SHROOM3: variants seen among roughly 807,000 people sequenced by gnomAD.
SHROOM3 encodes the protein protein Shroom3.
SHROOM3 carries 47 observed loss-of-function variants against 138.6 expected under a neutral mutation model. The observed-to-expected ratio is 0.34, with a 90% CI of 0.27 to 0.43. SHROOM3 has a LOEUF of 0.43. Ranked by LOEUF, SHROOM3 falls within the 20% of genes least tolerant of loss-of-function variation. The probability of loss-of-function intolerance (pLI) is 1.00; values close to 1 mark genes in which losing one functional copy is unlikely to be tolerated. For synonymous variants in SHROOM3, 1,062 were observed against 1,063.3 expected (o/e 1.00, Z 0.02); for missense variants, 2,491 against 2,596.5 (o/e 0.96, Z 0.88).
intron 3 of SHROOM3, among the ~76,000 whole-genome samples, chr4:76,726,031 A>G (rs1342915157): frequency 6.6e-6 from 1 of 152,126 alleles, no homozygotes; most frequent in South Asian, 2.1e-4. Context: ...ATCTGCCCAT[A>G]CTGCCTGTCT....
chr4:76,446,889 A>T (rs980431310), intron 1 of SHROOM3, among the ~76,000 whole-genome samples: 1 of 152,190 alleles, frequency 6.6e-6, no homozygotes, highest in Non-Finnish European at 1.5e-5. Context: ...TGCTGTGCTC[A>T]TCCAGCTTCA....
At chr4:76,581,431 A>G (rs1160402711) in intron 2 of SHROOM3, among the ~76,000 whole-genome samples, 1 of 152,224 alleles carries the variant, frequency 6.6e-6, no homozygotes, top group Non-Finnish European at 1.5e-5. Flanking sequence ...TTGCTGTATC[A>G]TAAGTGGTTT....
At chr4:76,710,351 G>A in intron 3 of SHROOM3, 64 bp downstream of exon 3, 1 of 1,600,028 alleles carries the variant, frequency 6.2e-7, no homozygotes, top group Non-Finnish European at 8.5e-7. Context: ...AAGCCACTCA[G>A]CTGCTGGGAG....
chr4:76,696,039 T>C (rs1719715040), intron 2 of SHROOM3, among the ~76,000 whole-genome samples: 1 of 152,186 alleles, frequency 6.6e-6, no homozygotes, highest in Non-Finnish European at 1.5e-5. Flanking sequence ...CCGTATTATT[T>C]TGGGGCAAAA....
At chr4:76,714,820 C>T (rs1720326272) in intron 3 of SHROOM3, among the ~76,000 whole-genome samples, 2 of 152,148 alleles carry the variant, frequency 1.3e-5, no homozygotes, top group South Asian at 4.1e-4. Flanking sequence ...TCATTCATGT[C>T]AGTAAGGACT....
intron 1 of SHROOM3, among the ~76,000 whole-genome samples, chr4:76,538,291 A>G (rs1733025149): frequency 6.6e-6 from 1 of 152,238 alleles, no homozygotes; most frequent in South Asian, 2.1e-4. Flanking sequence ...AGGTGGTCAG[A>G]GACTGAGATG....
At chr4:76,751,522 C>T (rs2110141550) in intron 6 of SHROOM3, among the ~76,000 whole-genome samples, 1 of 152,266 alleles carries the variant, frequency 6.6e-6, no homozygotes, top group South Asian at 2.1e-4. Context: ...TACTTCTTTC[C>T]TGTTTTCAAA....
chr4:76,585,786 C>T (rs1480266929), intron 2 of SHROOM3, among the ~76,000 whole-genome samples: 1 of 152,110 alleles, frequency 6.6e-6, no homozygotes, highest in East Asian at 1.9e-4. Flanking sequence ...AAAGATCTTT[C>T]TTTATTGTTC....
At chr4:76,492,165 T>C (rs1390202121) in intron 1 of SHROOM3, among the ~76,000 whole-genome samples, 1 of 152,194 alleles carries the variant, frequency 6.6e-6, no homozygotes, top group Non-Finnish European at 1.5e-5. Context: ...AGATACAAAC[T>C]GGGCGAAAGA....
rs991755928 is a variant in SHROOM3 at position 76,740,671 on chromosome 4, G to A, written c.2498G>A (p.Arg833His). The A allele has an allele frequency of 5.6e-6, 9 of 1,613,958 alleles. No homozygotes were observed. The highest frequency in any genetic ancestry group is 2.7e-5 in the African/African-American group (2 of 74,940). ...NDFEETKAHI[R>H]FSESAEPLGN... ...TTCGAGGAGACAAAAGCACACATTC[G>A]TTTCTCTGAGTCAGCTGAACCCCTA... is the stretch of plus-strand genomic sequence containing the variant. The change falls in exon 5 of 11, where the codon CGT becomes CAT. Residue 833 changes from arginine to histidine, a missense_variant. By Grantham distance (29) the Arg-to-His change is conservative. This residue lies in a region of SHROOM3 where 1,733 missense variants were observed against 1,661.6 expected (regional missense o/e 1.04). Transcript: ENST00000296043. This position sits in a 1 kb window ranked among gnomAD's most constrained non-coding sequence, Gnocchi z 4.0.
rs569330789 is a variant in SHROOM3, at chr4:76,682,593, G to A, written c.324-27563G>A. Among the ~76,000 whole-genome samples, 9 of 152,010 alleles carry A rather than the reference G, an allele frequency of 5.9e-5. No individual in the cohort carries two copies. In the South Asian group the frequency reaches 1.7e-3, roughly 28 times the overall value. The stretch of plus-strand genomic sequence containing the variant: ...GGCATATAACAGGTTCTCAGTAGGT[G>A]GCAGTTGAATTGAAATGGGTCAAGG... On this transcript the variant is annotated intron_variant, in intron 2 of 10. Transcript: ENST00000296043.
At chr4:76,520,902 C>A (rs570734547) in intron 1 of SHROOM3, among the ~76,000 whole-genome samples, 15 of 152,282 alleles carry the variant, frequency 9.9e-5, no homozygotes, top group Non-Finnish European at 1.9e-4. Flanking sequence ...GCTTTTTCCC[C>A]AATATTTGGG....
At chr4:76,587,994 A>AT (rs1734187293) in intron 2 of SHROOM3, among the ~76,000 whole-genome samples, 2 of 152,300 alleles carry the variant, frequency 1.3e-5, no homozygotes, top group South Asian at 2.1e-4. Context: ...AGTGTAAATC[A>AT]TTTTTTGTAT....
chr4:76,539,169 G>A (rs1733043945), intron 1 of SHROOM3, among the ~76,000 whole-genome samples: 1 of 152,188 alleles, frequency 6.6e-6, no homozygotes, highest in East Asian at 1.9e-4. Flanking sequence ...ATATTGGTGA[G>A]AATTAAATAA....
chr4:76,752,007 C>G (rs1381498256), intron 6 of SHROOM3, among the ~76,000 whole-genome samples: 1 of 152,216 alleles, frequency 6.6e-6, no homozygotes, highest in African/African-American at 2.4e-5. Context: ...CATGTTCACA[C>G]CCATGTTCAT....
intron 1 of SHROOM3, among the ~76,000 whole-genome samples, chr4:76,496,448 C>A (rs1005779458): frequency 2.6e-5 from 4 of 152,202 alleles, no homozygotes; most frequent in African/African-American, 9.6e-5. Context: ...CAAGGAGACC[C>A]TTTTGTGGTG....
At chr4:76,540,550 G>A (rs978861109) in intron 1 of SHROOM3, among the ~76,000 whole-genome samples, 7 of 152,004 alleles carry the variant, frequency 4.6e-5, no homozygotes, top group African/African-American at 1.2e-4. Flanking sequence ...CTTTGGAAGC[G>A]GAAGAATATC....
intron 2 of SHROOM3, among the ~76,000 whole-genome samples, chr4:76,599,192 C>G (rs1382577904): frequency 6.6e-6 from 1 of 152,048 alleles, no homozygotes; most frequent in African/African-American, 2.4e-5. Context: ...GAGGTGTTAC[C>G]TGTTGAATAA....
intron 2 of SHROOM3, among the ~76,000 whole-genome samples, chr4:76,594,021 T>C (rs1016636669): frequency 6.6e-6 from 1 of 152,238 alleles, no homozygotes; most frequent in Non-Finnish European, 1.5e-5. Context: ...CTTATTACAT[T>C]CTCAGTGATT....
Sources: gnomAD v4.1 joint callset for allele counts (sites outside exome capture counted in the v4.1 genomes callset) on GRCh38, gnomAD v4.1.1 for gene constraint, gnomAD v4.1.1 regional missense constraint, Gnocchi (gnomAD v3.1) non-coding constraint, MANE v1.5 for transcripts, NCBI Gene and HGNC (gene_info 2026-07-23, HGNC 2026-07-21) for gene names.